The following SVEP1 variants were observed in gnomAD, a reference collection of about 807,000 sequenced individuals.
SVEP1 encodes the protein sushi, von Willebrand factor type A, EGF and pentraxin domain-containing protein 1.
SVEP1 carries 164 observed loss-of-function variants against 367.3 expected under a neutral mutation model. The ratio of observed to expected loss-of-function variants is 0.45; its 90% confidence interval spans 0.39 to 0.51. The LOEUF (loss-of-function observed/expected upper bound fraction) is 0.51. SVEP1 is among the 20% of genes least tolerant of loss of function. SVEP1 has a pLI of 0.00. For synonymous variants in SVEP1, 1,666 were observed against 1,611.6 expected, an observed-to-expected ratio of 1.03 and a Z score of -0.81; for missense variants, 4,117 against 4,425.3, an observed-to-expected ratio of 0.93 and a Z score of 1.98.
At chr9:110,495,711 G>C (rs1829435730) in intron 8 of SVEP1, among the ~76,000 whole-genome samples, 2 of 149,870 alleles carry the variant, frequency 1.3e-5, no homozygotes, top group South Asian at 4.3e-4. Context: ...TAATGTATAT[G>C]AATACTAACC....
At chr9:110,413,179 G>A (rs1828069269) in intron 36 of SVEP1, among the ~76,000 whole-genome samples, 4 of 133,194 alleles carry the variant, frequency 3.0e-5, no homozygotes, top group African/African-American at 1.2e-4. Flanking sequence ...AAGAAAATGT[G>A]GCACATATAC....
rs780751907 is a variant in SVEP1, at chr9:110,389,603, G to A, written c.9823-16C>T. On this transcript the variant is annotated splice_polypyrimidine_tract_variant and intron_variant, in intron 40 of 47. Transcript: ENST00000374469. ...CCCTGTTCCCCTGTGAAACAATGGAGAAAGGTCATCAAGATCATAACTCTA... is the reference window on the plus strand; with the variant it reads ...CCCTGTTCCCCTGTGAAACAATGGAAAAAGGTCATCAAGATCATAACTCTA... The A allele has an allele frequency of 1.2e-6, 2 of 1,612,892 alleles. No individual in the cohort carries two copies. The highest frequency in any genetic ancestry group is 2.7e-5 in the African/African-American group (2 of 74,878).
At chr9:110,461,170 C>T (rs532223291) in intron 18 of SVEP1, among the ~76,000 whole-genome samples, 1 of 152,284 alleles carries the variant, frequency 6.6e-6, no homozygotes, top group African/African-American at 2.4e-5. Flanking sequence ...AAAATGGCCT[C>T]AAACATAAAA....
rs1029435741 is a variant in SVEP1 at position 110,375,418 on chromosome 9, G to A, written c.10550C>T (p.Pro3517Leu). The change falls in exon 46 of 48, where the codon CCT (proline) becomes CTT (leucine). Residue 3517 changes from proline to leucine, a missense_variant. Coordinates refer to ENST00000374469, the MANE Select transcript of SVEP1 (RefSeq NM_153366.4). ...GCCAGGCGGGCAGTCACACTGGTAA[G>A]GGGCCACACAGCGACCTCCGTTCAG... ...PCLNGGRCVA[P>L]YQCDCPPGWT... The A allele has an allele frequency of 2.0e-6, 3 of 1,489,642 alleles. No individual in the cohort carries two copies. The highest frequency in any genetic ancestry group is 2.7e-6 in the Non-Finnish European group (3 of 1,111,400). 92.3% of individuals were successfully genotyped at this position (1,489,642 alleles called of 1,614,324 possible).
intron 11 of SVEP1, 103 bp downstream of exon 11, chr9:110,482,258 A>G (rs1829202961): frequency 7.8e-7 from 1 of 1,281,090 alleles, no homozygotes; most frequent in African/African-American, 1.5e-5. Flanking sequence ...CTAACTGTAA[A>G]AATCTAATGC....
intron 40 of SVEP1, among the ~76,000 whole-genome samples, chr9:110,398,631 C>T (rs1196392054): frequency 6.6e-6 from 1 of 152,020 alleles, no homozygotes; most frequent in Non-Finnish European, 1.5e-5. Flanking sequence ...ACAATGAACA[C>T]AAACAAATTT....
intron 12 of SVEP1, among the ~76,000 whole-genome samples, chr9:110,480,305 T>C (rs898009198): frequency 6.6e-6 from 1 of 152,154 alleles, no homozygotes; most frequent in East Asian, 1.9e-4. Context: ...TCCCACCGTC[T>C]CAATCTGTGA....
At chr9:110,569,104 T>C (rs1035287656) in intron 1 of SVEP1, among the ~76,000 whole-genome samples, 1 of 149,224 alleles carries the variant, frequency 6.7e-6, no homozygotes, top group Admixed American at 6.7e-5. Flanking sequence ...AAAAAATAAA[T>C]AAATAAAAAT....
chr9:110,508,635 C>CCTGTAGTCCCAG (rs1829661330), intron 5 of SVEP1, among the ~76,000 whole-genome samples: 1 of 151,702 alleles, frequency 6.6e-6, no homozygotes, highest in African/African-American at 2.4e-5. Flanking sequence ...GTGGCGGGTG[C>CCTGTAGTCCCAG]CTGTAGTCCC....
At chr9:110,486,230 A>C (rs1829274656) in intron 9 of SVEP1, among the ~76,000 whole-genome samples, 1 of 152,250 alleles carries the variant, frequency 6.6e-6, no homozygotes, top group African/African-American at 2.4e-5. Context: ...ATTTTGCCAA[A>C]AGAAATGACA....
chr9:110,527,440 A>G lies in SVEP1; in HGVS notation c.965-13334T>C, dbSNP rs566300102. ...CCTAAAAATTAATGAGGTGAATAGT[A>G]TGTTTAATATTTTGATAAAAATGTA... is the stretch of plus-strand genomic sequence containing the variant. On this transcript the variant is annotated intron_variant, in intron 3 of 47. Coordinates refer to ENST00000374469, the MANE Select transcript of SVEP1 (RefSeq NM_153366.4). Among the ~76,000 whole-genome samples, 5 of 152,116 alleles carry G rather than the reference A, an allele frequency of 3.3e-5. No homozygotes were observed. In the South Asian group the frequency reaches 1.0e-3, roughly 32 times the overall value.
chr9:110,392,434 G>T (rs905148615), intron 40 of SVEP1, among the ~76,000 whole-genome samples: 35 of 151,980 alleles, frequency 2.3e-4, no homozygotes, highest in African/African-American at 7.5e-4. Context: ...GTGGAGGTGG[G>T]AGAGCACAAA....
chr9:110,509,132 A>ACATTATTTT (rs1238114432), intron 5 of SVEP1, among the ~76,000 whole-genome samples: 2 of 152,248 alleles, frequency 1.3e-5, no homozygotes, highest in Non-Finnish European at 1.5e-5. Context: ...GTAAGACACA[A>ACATTATTTT]CATTATTTTA....
intron 3 of SVEP1, among the ~76,000 whole-genome samples, chr9:110,543,818 G>C (rs1466375020): frequency 1.3e-5 from 2 of 152,166 alleles, no homozygotes; most frequent in African/African-American, 4.8e-5. Context: ...GGGTTGGAGA[G>C]AGTGCCAAGC....
intron 46 of SVEP1, among the ~76,000 whole-genome samples, chr9:110,374,231 T>C (rs1414045282): frequency 6.6e-6 from 1 of 152,222 alleles, no homozygotes. Context: ...CTCCCACTTA[T>C]AAGTGAGAAC....
rs1320733500 is a variant in SVEP1, at chr9:110,579,712, C to T, written c.-169G>A. On this transcript the variant is annotated 5_prime_UTR_variant, in exon 1 of 48. Coordinates refer to ENST00000374469, the MANE Select transcript of SVEP1 (RefSeq NM_153366.4). This position sits in a 1 kb window ranked among gnomAD's most constrained non-coding sequence, Gnocchi z 5.3. ...ACTGGGGACAGACACAATCCAGACT[C>T]CTCAGCAGCTCGGGAACTCCGGAGG... 2.6e-6 allele frequency: 2 copies of T among 762,748 alleles called. No homozygotes were observed. Among genetic ancestry groups the T allele is most frequent in the South Asian group, 2.3e-5 (1 of 44,230 alleles). 47.2% of individuals were successfully genotyped at this position (762,748 alleles called of 1,614,324 possible). A position where few individuals can be genotyped will look rare whatever the true frequency, so the allele number is the denominator to read the frequency against.
At chr9:110,376,013 C>G (rs1412390695) in intron 45 of SVEP1, among the ~76,000 whole-genome samples, 1 of 152,180 alleles carries the variant, frequency 6.6e-6, no homozygotes, top group African/African-American at 2.4e-5. Context: ...GAACCCTGTT[C>G]ATGACTATCA....
chr9:110,373,360 T>C (rs910376210), intron 46 of SVEP1, among the ~76,000 whole-genome samples: 1 of 152,236 alleles, frequency 6.6e-6, no homozygotes, highest in Non-Finnish European at 1.5e-5. Context: ...ACATCTGCTT[T>C]TGTCTGTAAC....
chr9:110,515,551 C>T (rs1031027492), intron 3 of SVEP1, among the ~76,000 whole-genome samples: 10 of 152,128 alleles, frequency 6.6e-5, no homozygotes, highest in African/African-American at 9.7e-5. Flanking sequence ...CCGCCCGCCT[C>T]AGCCTCCCAA....
Sources: gnomAD v4.1 joint callset for allele counts (sites outside exome capture counted in the v4.1 genomes callset) on GRCh38, gnomAD v4.1.1 for gene constraint, Gnocchi (gnomAD v3.1) non-coding constraint, MANE v1.5 for transcripts, NCBI Gene and HGNC (gene_info 2026-07-23, HGNC 2026-07-21) for gene names.